Variants in GBP6 observed in about 807,000 individuals in gnomAD.
GBP6 encodes the protein guanylate-binding protein 6.
In GBP6, 54 loss-of-function variants were observed where a neutral mutation model predicts 61.5. The ratio of observed to expected loss-of-function variants is 0.88; its 90% confidence interval spans 0.71 to 1.10. The LOEUF (loss-of-function observed/expected upper bound fraction) is 1.10, where lower values mean the gene tolerates loss of function less well. GBP6 is among the 50% of genes least tolerant of loss of function. GBP6 has a pLI of 0.00. For missense variants in GBP6, 748 were observed against 752.8 expected (o/e 0.99, Z 0.07); for synonymous variants, 255 against 273.7 (o/e 0.93, Z 0.67).
At chr1:89,378,969 A>T (rs1190608948) in intron 5 of GBP6, among the ~76,000 whole-genome samples, 2 of 152,264 alleles carry the variant, frequency 1.3e-5, no homozygotes, top group East Asian at 3.9e-4. Flanking sequence ...TTAGACATGA[A>T]ATTACAATGA....
At chr1:89,368,888 T>A in intron 2 of GBP6, 147 bp downstream of exon 2, 2 of 634,696 alleles carry the variant, frequency 3.2e-6, no homozygotes, top group African/African-American at 1.8e-5. Context: ...ACCAAACCAC[T>A]ACCTTACGAT....
chr1:89,370,318 G>A (rs578140552), intron 3 of GBP6, among the ~76,000 whole-genome samples: 9 of 152,252 alleles, frequency 5.9e-5, no homozygotes, highest in African/African-American at 2.2e-4. Context: ...GATGAGGAGA[G>A]GCCTCTCACC....
rs1242744187 is a variant in GBP6 at position 89,386,135 on chromosome 1, G to A, written c.*666G>A. On this transcript the variant is annotated 3_prime_UTR_variant, in exon 11 of 11. Coordinates refer to ENST00000370456, the MANE Select transcript of GBP6 (RefSeq NM_198460.3). Reference sequence around the variant, plus strand: ...ATGAAGCTCTATTTGTACCAGTAAAGAATGGTCTTGAAGAGACATTGTAAA... The same window carrying A: ...ATGAAGCTCTATTTGTACCAGTAAAAAATGGTCTTGAAGAGACATTGTAAA... 1 of 147,708 alleles carries A rather than the reference G, an allele frequency of 6.8e-6. No individual in the cohort carries two copies. Among genetic ancestry groups the A allele is most frequent in the African/African-American group, 2.5e-5 (1 of 40,002 alleles). The allele number at this position is 147,708 out of a possible 1,614,324, so 9.1% of individuals were successfully genotyped here. A position where few individuals can be genotyped will look rare whatever the true frequency, so the allele number is the denominator to read the frequency against.
intron 1 of GBP6, among the ~76,000 whole-genome samples, chr1:89,365,700 A>G (rs532056102): frequency 1.3e-5 from 2 of 152,364 alleles, no homozygotes; most frequent in African/African-American, 4.8e-5. Flanking sequence ...CATGCTATGC[A>G]AAGATATAAA....
In GBP6 at chr1:89,368,857, C is replaced by T. The variant is rs529459270; in HGVS notation, c.190+116C>T. On this transcript the variant is annotated intron_variant, in intron 2 of 10. Coordinates refer to ENST00000370456, the MANE Select transcript of GBP6 (RefSeq NM_198460.3). The stretch of plus-strand genomic sequence containing the variant: ...CTCCAATTCCTTTCAATAAACCAAC[C>T]TTCTCATTCCAATTCTTACCACCAA... 7.2e-6 allele frequency: 6 copies of T among 838,180 alleles called. No homozygotes were observed. The South Asian group carries it at 1.4e-4, about 20-fold the overall frequency. The allele number at this position is 838,180 out of a possible 1,614,324, so 51.9% of individuals were successfully genotyped here. A position where few individuals can be genotyped will look rare whatever the true frequency, so the allele number is the denominator to read the frequency against.
chr1:89,372,107 G>A (rs1005613759), intron 3 of GBP6, among the ~76,000 whole-genome samples: 9 of 152,178 alleles, frequency 5.9e-5, no homozygotes, highest in Non-Finnish European at 1.5e-5. Context: ...CAACTTACAA[G>A]GGATGTGAAG....
intron 3 of GBP6, among the ~76,000 whole-genome samples, chr1:89,373,659 C>A (rs187171614): frequency 2.0e-5 from 3 of 152,070 alleles, no homozygotes; most frequent in Admixed American, 6.5e-5. Context: ...ACACCAGGGC[C>A]TGTCGTGAGG....
In GBP6 at chr1:89,380,840, G is replaced by C. The variant is rs574290405; in HGVS notation, c.871+209G>C. Among the ~76,000 whole-genome samples the C allele has an allele frequency of 3.3e-5, 5 of 152,098 alleles. No homozygotes were observed. The East Asian group carries it at 9.6e-4, about 29-fold the overall frequency. On this transcript the variant is annotated intron_variant, in intron 6 of 10. Coordinates refer to ENST00000370456, the MANE Select transcript of GBP6 (RefSeq NM_198460.3). ...GCAAACTCTGTCACTGATATCTGTG[G>C]CTTCCACATATCTGAAAAAAATCCC...
chr1:89,385,151 C>A, intron 10 of GBP6, 79 bp from the exon 11 acceptor site: 1 of 1,306,160 alleles, frequency 7.7e-7, no homozygotes, highest in African/African-American at 1.5e-5. Flanking sequence ...AAGTTTCACA[C>A]AGGTTTTAAA....
At chr1:89,380,312 C>G (rs1191554256) in intron 5 of GBP6, 74 bp from the exon 6 acceptor site, 1 of 1,346,256 alleles carries the variant, frequency 7.4e-7, no homozygotes, top group East Asian at 2.3e-5. Flanking sequence ...ACAATACACC[C>G]TATCAAAAAT....
chr1:89,378,379 T>G, intron 4 of GBP6, 38 bp from the exon 5 acceptor site: 1 of 1,584,424 alleles, frequency 6.3e-7, no homozygotes, highest in South Asian at 1.1e-5. Context: ...ATGTGTGAAT[T>G]GTGGGCAGAC....
intron 3 of GBP6, among the ~76,000 whole-genome samples, chr1:89,371,636 A>G (rs371137438): frequency 9.8e-5 from 15 of 152,338 alleles, no homozygotes; most frequent in Admixed American, 5.9e-4. Flanking sequence ...AAAACTCTCA[A>G]TAAATTAGGT....
chr1:89,384,154 G>A lies in GBP6; in HGVS notation c.1530G>A (p.Gln510=), dbSNP rs755293564. Residue 510 remains glutamine, a synonymous_variant, in exon 10 of 11, where the codon CAG becomes CAA. Coordinates refer to ENST00000370456, the MANE Select transcript of GBP6 (RefSeq NM_198460.3). ...AGGAACTTTTAAAACAGAAATTACA[G>A]GAGCAGCAGCAACAGATGGAGGCTC... ...KEQELLKQKL[Q]EQQQQMEAQD... is the part of the protein sequence containing the mutation. 1.6e-5 allele frequency: 26 copies of A among 1,614,004 alleles called. No homozygotes were observed. In the African/African-American group the frequency reaches 3.3e-4, roughly 21 times the overall value.
chr1:89,376,788 G>C (rs559128741), intron 3 of GBP6, among the ~76,000 whole-genome samples: 1 of 152,146 alleles, frequency 6.6e-6, no homozygotes, highest in East Asian at 1.9e-4. Context: ...GTGGCTTGAG[G>C]CTAGGAGTTA....
chr1:89,375,010 G>A (rs1652765300), intron 3 of GBP6, among the ~76,000 whole-genome samples: 1 of 152,104 alleles, frequency 6.6e-6, no homozygotes, highest in Admixed American at 6.6e-5. Flanking sequence ...TTACAAGTGA[G>A]AACATGCAGT....
intron 1 of GBP6, among the ~76,000 whole-genome samples, 165 bp downstream of exon 1, chr1:89,364,292 G>GA (rs1251602291): frequency 2.0e-5 from 3 of 152,230 alleles, no homozygotes; most frequent in Non-Finnish European, 4.4e-5. Flanking sequence ...TTCTCCACTT[G>GA]AACCAGTGAC....
intron 6 of GBP6, 49 bp from the exon 7 acceptor site, chr1:89,381,645 A>G: frequency 6.5e-7 from 1 of 1,549,304 alleles, no homozygotes. Flanking sequence ...CTAGGATCCC[A>G]CTGAGCTTTA....
chr1:89,375,449 C>A (rs567340074), intron 3 of GBP6, among the ~76,000 whole-genome samples: 1 of 152,290 alleles, frequency 6.6e-6, no homozygotes, highest in Admixed American at 6.5e-5. Context: ...GACAGTATGG[C>A]AATTCCTCAG....
chr1:89,367,968 A>T (rs1652510416), intron 1 of GBP6, among the ~76,000 whole-genome samples: 2 of 152,156 alleles, frequency 1.3e-5, no homozygotes. Flanking sequence ...AATATTGGAC[A>T]TTTGCCTGGT....
Sources: gnomAD v4.1 joint callset for allele counts (sites outside exome capture counted in the v4.1 genomes callset) on GRCh38, gnomAD v4.1.1 for gene constraint, MANE v1.5 for transcripts, NCBI Gene and HGNC (gene_info 2026-07-23, HGNC 2026-07-21) for gene names.